The following AHRR variants were observed in gnomAD, a reference collection of about 807,000 sequenced individuals.
AHRR encodes ahR repressor.
A neutral mutation model predicts 44.0 loss-of-function variants in AHRR; 28 were observed. The ratio of observed to expected loss-of-function variants is 0.64; its 90% CI spans 0.47 to 0.87. AHRR has a LOEUF of 0.87. AHRR is among the 40% of genes least tolerant of loss of function. The probability of loss-of-function intolerance (pLI) is 0.00; values close to 1 mark genes in which losing one functional copy is unlikely to be tolerated. For missense variants in AHRR, 990 were observed against 953.9 expected, an observed-to-expected ratio of 1.04 and a Z score of -0.50; for synonymous variants, 434 against 407.0, an observed-to-expected ratio of 1.07 and a Z score of -0.80.
At chr5:403,967 C>T (rs148412740) in intron 4 of AHRR, 5 of 1,323,692 alleles carry the variant, frequency 3.8e-6, no homozygotes, top group African/African-American at 1.4e-5. Flanking sequence ...TTTTCTGACT[C>T]GTCTACATTT....
intron 4 of AHRR, among the ~76,000 whole-genome samples, chr5:400,569 C>A (rs1039430316): frequency 4.6e-5 from 7 of 151,314 alleles, no homozygotes; most frequent in South Asian, 2.1e-4. Flanking sequence ...AAAAAAAAAA[C>A]AAAACTTTTG....
intron 2 of AHRR, among the ~76,000 whole-genome samples, chr5:352,565 G>A (rs1279813474): frequency 7.4e-6 from 1 of 134,602 alleles, no homozygotes; most frequent in African/African-American, 2.7e-5. Flanking sequence ...GGTTAAATAG[G>A]TCAGCTGTAG....
chr5:397,639 CCA>C (rs1734791959), intron 4 of AHRR, among the ~76,000 whole-genome samples: 1 of 108,928 alleles, frequency 9.2e-6, no homozygotes, highest in Non-Finnish European at 1.8e-5. Flanking sequence ...CCCTGACCAT[CCA>C]CATAGCCCCT....
intron 4 of AHRR, among the ~76,000 whole-genome samples, chr5:397,459 CCT>C (rs1463348891): frequency 1.3e-4 from 13 of 99,548 alleles, no homozygotes; most frequent in South Asian, 9.1e-4. Flanking sequence ...CATGTTAGCC[CCT>C]GACCATCCAC....
At chr5:360,497 G>A (rs957138724) in intron 3 of AHRR, among the ~76,000 whole-genome samples, 1 of 152,220 alleles carries the variant, frequency 6.6e-6, no homozygotes, top group Non-Finnish European at 1.5e-5. Flanking sequence ...GTTTTGAGGT[G>A]TGTGCTAGAA....
intron 3 of AHRR, among the ~76,000 whole-genome samples, chr5:361,275 G>T (rs1465316720): frequency 6.6e-6 from 1 of 152,202 alleles, no homozygotes; most frequent in Non-Finnish European, 1.5e-5. Flanking sequence ...GGACTTGCAC[G>T]TGGTGAAACA....
rs369907167 is a variant in AHRR at position 344,040 on chromosome 5, G to A, written c.62+76G>A. ...GAGGGTTGGGGTTTGCCTTGAAAAC[G>A]GAGTTTTAGGAACAGGGCGAGCGAG... On this transcript the variant is annotated intron_variant, in intron 2 of 10. Transcript: ENST00000684583. The A allele has an allele frequency of 2.5e-5, 37 of 1,458,868 alleles. No individual in the cohort carries two copies. In the East Asian group the frequency reaches 6.0e-4, roughly 24 times the overall value. The allele number at this position is 1,458,868 out of a possible 1,614,324, so 90.4% of individuals were successfully genotyped here.
At chr5:373,258 G>C (rs1224893066) in intron 3 of AHRR, among the ~76,000 whole-genome samples, 1 of 152,248 alleles carries the variant, frequency 6.6e-6, no homozygotes, top group Non-Finnish European at 1.5e-5. Context: ...GCCCTGCCCT[G>C]CACCCGGCTG....
chr5:322,771 G>A (rs974194377), intron 1 of AHRR: 1 of 152,276 alleles, frequency 6.6e-6, no homozygotes, highest in Non-Finnish European at 1.5e-5. Context: ...CGGCCCCAGA[G>A]TCGCTGAAAA....
intron 1 of AHRR, among the ~76,000 whole-genome samples, chr5:327,554 C>A (rs1356963671): frequency 6.6e-6 from 1 of 152,136 alleles, no homozygotes; most frequent in East Asian, 1.9e-4. Flanking sequence ...GACATGATTT[C>A]ATTCTTTTTT....
At chr5:393,981 G>A (rs1236616098) in intron 4 of AHRR, among the ~76,000 whole-genome samples, 2 of 152,220 alleles carry the variant, frequency 1.3e-5, no homozygotes, top group African/African-American at 4.8e-5. Flanking sequence ...CGTGTCCTCT[G>A]TGAGTTCTTC....
At chr5:421,106 G>A (rs1412724165) in intron 5 of AHRR, 1 of 548,706 alleles carries the variant, frequency 1.8e-6, no homozygotes, top group Non-Finnish European at 3.2e-6. Context: ...GCCAGAAGGT[G>A]CAGCGGCTGG....
chr5:414,176 T>A (rs1364807559), intron 5 of AHRR, among the ~76,000 whole-genome samples: 1 of 151,914 alleles, frequency 6.6e-6, no homozygotes, highest in Non-Finnish European at 1.5e-5. Context: ...GGCAGGAGAA[T>A]AGCGTGAACC....
intron 3 of AHRR, among the ~76,000 whole-genome samples, chr5:371,709 G>A (rs1345017932): frequency 6.6e-6 from 1 of 152,214 alleles, no homozygotes; most frequent in African/African-American, 2.4e-5. Context: ...CGACTCCCGT[G>A]GTCGCTGTTG....
intron 4 of AHRR, among the ~76,000 whole-genome samples, chr5:397,989 GCCC>G (rs1371173723): frequency 2.3e-5 from 3 of 130,624 alleles, no homozygotes; most frequent in South Asian, 2.7e-4. Context: ...CATCCACGTA[GCCC>G]CTGACCATCC....
intron 1 of AHRR, among the ~76,000 whole-genome samples, chr5:331,524 C>T (rs1392715143): frequency 6.6e-6 from 1 of 152,150 alleles, no homozygotes; most frequent in East Asian, 1.9e-4. Context: ...TTTGTTCTCG[C>T]TTTTCTAGTT....
chr5:406,367 C>T lies in AHRR; in HGVS notation c.352-6977C>T, dbSNP rs2126502826. On this transcript the variant is annotated intron_variant, in intron 4 of 10. Transcript: ENST00000684583. The surrounding 1 kb of genome is among the most constrained non-coding windows in gnomAD (Gnocchi z 4.7). ...AAGAGTCCCCAATCCCCAGCCCCTA[C>T]CTCATAGGCCAAATCACTCCATGTG... Among the ~76,000 whole-genome samples, 1 of 152,332 alleles carries T rather than the reference C, an allele frequency of 6.6e-6. No individual in the cohort carries two copies. The highest frequency in any genetic ancestry group is 3.4e-3 in the Middle Eastern group (1 of 294).
At chr5:397,339 C>T (rs1255951403) in intron 4 of AHRR, among the ~76,000 whole-genome samples, 3 of 134,614 alleles carry the variant, frequency 2.2e-5, no homozygotes, top group African/African-American at 7.9e-5. Flanking sequence ...ATCCATGTAG[C>T]CCCTGACCAT....
At chr5:415,338 G>C (rs370072025) in intron 5 of AHRR, among the ~76,000 whole-genome samples, 7,516 of 86,900 alleles carry the variant, frequency 0.086, 143 homozygotes, top group Non-Finnish European at 0.13. Context: ...TCTGCCTGGT[G>C]GGGCGGGAGG....
Sources: allele counts gnomAD v4.1 joint callset (sites outside exome capture counted in the v4.1 genomes callset), GRCh38; gene constraint gnomAD v4.1.1; non-coding constraint Gnocchi (gnomAD v3.1); transcripts MANE v1.5; gene names NCBI Gene and HGNC (gene_info 2026-07-23, HGNC 2026-07-21).